IQCH: variants seen among roughly 807,000 people sequenced by gnomAD.
The protein encoded by IQCH is IQ domain-containing protein H.
IQCH carries 98 observed loss-of-function variants against 117.0 expected under a neutral mutation model. The ratio of observed to expected loss-of-function variants is 0.84; its 90% CI spans 0.71 to 0.99. IQCH has a LOEUF of 0.99. Among genes scored for constraint, IQCH ranks in the 50% least tolerant of loss-of-function variants. The pLI, the probability that IQCH is intolerant of heterozygous loss-of-function variation, is 0.00. For synonymous variants in IQCH, 412 were observed against 448.2 expected (o/e 0.92, Z 1.02); for missense variants, 1,102 against 1,243.8 (o/e 0.89, Z 1.72).
chr15:67,465,602 A>G lies in IQCH; in HGVS notation c.2676+305A>G, dbSNP rs62016053. ...CTACAAGCTGTTTCACACAAAACCCATATTTTTCTAGCCCCACTCTCTTTT... is the reference window on the plus strand; with the variant it reads ...CTACAAGCTGTTTCACACAAAACCCGTATTTTTCTAGCCCCACTCTCTTTT... On this transcript the variant is annotated intron_variant, in intron 17 of 20. Coordinates refer to ENST00000335894, the MANE Select transcript of IQCH (RefSeq NM_001031715.3). The surrounding 1 kb of genome is among the most constrained non-coding windows in gnomAD (Gnocchi z 5.9). Among the ~76,000 whole-genome samples, 1 of 152,086 alleles carries G rather than the reference A, an allele frequency of 6.6e-6. No individual in the cohort carries two copies. Among genetic ancestry groups the G allele is most frequent in the Non-Finnish European group, 1.5e-5 (1 of 68,008 alleles).
chr15:67,365,627 G>C lies in IQCH; in HGVS notation c.753+5742G>C, dbSNP rs1017651477. On this transcript the variant is annotated intron_variant, in intron 8 of 20. Transcript: ENST00000335894. The surrounding 1 kb of genome is among the most constrained non-coding windows in gnomAD (Gnocchi z 4.4). Reference sequence around the variant, plus strand: ...AAGTGCTATGAAGAAAAATAAACCAGAATACATATGTAGGTATAGAAGCCA... The same window carrying C: ...AAGTGCTATGAAGAAAAATAAACCACAATACATATGTAGGTATAGAAGCCA... 6.6e-6 allele frequency among the ~76,000 whole-genome samples: 1 copy of C among 152,080 alleles called. No individual in the cohort carries two copies. Among genetic ancestry groups the C allele is most frequent in the African/African-American group, 2.4e-5 (1 of 41,398 alleles).
chr15:67,384,978 C>T lies in IQCH; in HGVS notation c.1415C>T (p.Thr472Ile). The T allele has an allele frequency of 6.2e-7, 1 of 1,612,348 alleles. No individual in the cohort carries two copies. Among genetic ancestry groups the T allele is most frequent in the Non-Finnish European group, 8.5e-7 (1 of 1,178,598 alleles). Reference sequence around the variant, plus strand: ...AGAGAACATATTGCCGATTTCAACACACAGCAGAACATGCAGCTGGGGAGG... The same window carrying T: ...AGAGAACATATTGCCGATTTCAACATACAGCAGAACATGCAGCTGGGGAGG... ...PVREHIADFN[T>I]QQNMQLGRLC... Residue 472 changes from threonine to isoleucine, a missense_variant, in exon 11 of 21, where the codon ACA becomes ATA. This residue lies in a region of IQCH where 650 missense variants were observed against 794.3 expected (regional missense o/e 0.82). Transcript: ENST00000335894. This position sits in a 1 kb window ranked among gnomAD's most constrained non-coding sequence, Gnocchi z 4.3.
chr15:67,296,162 C>T (rs150079082), intron 4 of IQCH, among the ~76,000 whole-genome samples: 6 of 152,294 alleles, frequency 3.9e-5, no homozygotes, highest in Non-Finnish European at 8.8e-5. Flanking sequence ...CTACTAGGCT[C>T]TCAAGAAATG....
At chr15:67,410,676 T>G (rs1452442577) in intron 14 of IQCH, among the ~76,000 whole-genome samples, 3 of 152,150 alleles carry the variant, frequency 2.0e-5, no homozygotes, top group Non-Finnish European at 4.4e-5. Context: ...CTCAATCAAC[T>G]CACATAGTTA....
Position 67,494,335 on chromosome 15 carries a change from C to T in IQCH, c.2939C>T (p.Ala980Val). 6.2e-7 allele frequency: 1 copy of T among 1,613,156 alleles called. No individual in the cohort carries two copies. The highest frequency in any genetic ancestry group is 1.7e-5 in the Admixed American group (1 of 59,744). ...TTCATCATCCATCAAGAAATATCAG[C>T]ACCTAATATGCAAGGCGAGACCAAT... is the stretch of plus-strand genomic sequence containing the variant. ...HLFIIHQEIS[A>V]PNMQGETNFK... Residue 980 changes from alanine (A) to valine (V), a missense_variant, in exon 20 of 21, where the codon GCA becomes GTA. By Grantham distance (64) the Ala-to-Val change is moderately conservative. Transcript: ENST00000335894. This position sits in a 1 kb window ranked among gnomAD's most constrained non-coding sequence, Gnocchi z 5.5.
rs1970044274 is a variant in IQCH at position 67,359,536 on chromosome 15, C to A, written c.715-311C>A. Among the ~76,000 whole-genome samples, 2 of 152,216 alleles carry A rather than the reference C, an allele frequency of 1.3e-5. No individual in the cohort carries two copies. Among genetic ancestry groups the A allele is most frequent in the African/African-American group, 4.8e-5 (2 of 41,456 alleles). ...AGTACAGACCTTTGATCAGACACCA[C>A]CACAAAGCAGTGTGGTGCCACGCTA... On this transcript the variant is annotated intron_variant, in intron 7 of 20. Transcript: ENST00000335894. The surrounding 1 kb of genome is among the most constrained non-coding windows in gnomAD (Gnocchi z 4.5).
intron 3 of IQCH, among the ~76,000 whole-genome samples, chr15:67,267,752 A>C (rs563798061): frequency 6.6e-6 from 1 of 152,202 alleles, no homozygotes; most frequent in South Asian, 2.1e-4. Flanking sequence ...GTAACTGAGA[A>C]TCAACATTGT....
intron 13 of IQCH, among the ~76,000 whole-genome samples, chr15:67,399,131 C>T (rs1596309753): frequency 6.6e-6 from 1 of 152,248 alleles, no homozygotes; most frequent in Non-Finnish European, 1.5e-5. Context: ...GGATAGGCAG[C>T]ACAGTAAAGA....
chr15:67,428,384 A>T (rs982850499), intron 16 of IQCH, among the ~76,000 whole-genome samples: 7 of 152,358 alleles, frequency 4.6e-5, no homozygotes, highest in African/African-American at 1.4e-4. Flanking sequence ...GCAAGATTGA[A>T]GGTGGCAGAG....
At position 67,313,170 on chromosome 15, in the gene IQCH, A is replaced by G. The variant is rs181118383; in HGVS notation, c.388-23805A>G. 2.1e-3 allele frequency among the ~76,000 whole-genome samples: 323 copies of G among 152,250 alleles called. 1 individual carries two copies. Among genetic ancestry groups the G allele is most frequent in the Non-Finnish European group, 3.6e-3 (244 of 68,020 alleles). ...ATTAAAAGATTATATAATCTTCACA[A>G]TAGCCTGAAAAATAAATCAGTTTAT... On this transcript the variant is annotated intron_variant, in intron 4 of 20. Coordinates refer to ENST00000335894, the MANE Select transcript of IQCH (RefSeq NM_001031715.3).
In IQCH at chr15:67,405,072, G is replaced by A. The variant is rs1437740626; in HGVS notation, c.2097+4767G>A. The A allele has an allele frequency of 1.3e-5, 2 of 151,948 alleles. No individual in the cohort carries two copies. Among genetic ancestry groups the A allele is most frequent in the Non-Finnish European group, 2.9e-5 (2 of 67,974 alleles). The allele number at this position is 151,948 out of a possible 1,614,324, so 9.4% of individuals were successfully genotyped here. On this transcript the variant is annotated intron_variant, in intron 14 of 20. Coordinates refer to ENST00000335894, the MANE Select transcript of IQCH (RefSeq NM_001031715.3). The surrounding 1 kb of genome is among the most constrained non-coding windows in gnomAD (Gnocchi z 4.8). ...AGATATAAGAATCCAGCTTCTCATT[G>A]CTATTATTTGATTACTAGCAAGGGA... is the stretch of plus-strand genomic sequence containing the variant.
intron 13 of IQCH, among the ~76,000 whole-genome samples, chr15:67,396,679 T>C (rs574282282): frequency 9.8e-5 from 15 of 152,294 alleles, no homozygotes; most frequent in African/African-American, 3.6e-4. Context: ...TACCCACTTG[T>C]TGGGAAACCA....
rs1161651138 is a variant in IQCH at position 67,490,818 on chromosome 15, C to T, written c.2861+754C>T. On this transcript the variant is annotated intron_variant, in intron 19 of 20. Transcript: ENST00000335894. The surrounding 1 kb of genome is among the most constrained non-coding windows in gnomAD (Gnocchi z 4.9). ...ACCCGGGCGCAGTCTTCTCAAGGTACGCATGCACTGAGCACAGGCTGCTGG... is the reference window on the plus strand; with the variant it reads ...ACCCGGGCGCAGTCTTCTCAAGGTATGCATGCACTGAGCACAGGCTGCTGG... Among the ~76,000 whole-genome samples the T allele has an allele frequency of 2.6e-5, 4 of 152,204 alleles. No homozygotes were observed. The highest frequency in any genetic ancestry group is 4.8e-5 in the African/African-American group (2 of 41,454).
intron 4 of IQCH, among the ~76,000 whole-genome samples, chr15:67,318,552 C>T (rs527781320): frequency 6.6e-6 from 1 of 152,238 alleles, no homozygotes. Flanking sequence ...TTTCAACTTG[C>T]TAGTATTCAT....
chr15:67,368,298 G>A (rs976851219), intron 8 of IQCH, among the ~76,000 whole-genome samples: 1 of 152,130 alleles, frequency 6.6e-6, no homozygotes, highest in African/African-American at 2.4e-5. Context: ...GCTGAATTCC[G>A]GACCGCTGAT....
chr15:67,431,494 G>A lies in IQCH; in HGVS notation c.2505+9917G>A, dbSNP rs368312081. Among the ~76,000 whole-genome samples, 91 of 152,178 alleles carry A rather than the reference G, an allele frequency of 6.0e-4. No homozygotes were observed. The highest frequency in any genetic ancestry group is 2.1e-3 in the African/African-American group (89 of 41,510). On this transcript the variant is annotated intron_variant, in intron 16 of 20. Transcript: ENST00000335894. The surrounding 1 kb of genome is among the most constrained non-coding windows in gnomAD (Gnocchi z 4.8). ...CACTGAGGCCTATCAAAGGGTGGAG[G>A]GTGGGAGGAGGGAGAGAATCAGGAA...
rs534588208 is a variant in IQCH, at chr15:67,388,464, C to T, written c.1457-367C>T. Among the ~76,000 whole-genome samples the T allele has an allele frequency of 3.9e-5, 6 of 152,252 alleles. No homozygotes were observed. The highest frequency in any genetic ancestry group is 1.4e-4 in the African/African-American group (6 of 41,546). Reference sequence around the variant, plus strand: ...GTTAGTAGCTCTGTTTTATAATTTACTGAAGTTAATGGAATAAATTTTTAA... The same window carrying T: ...GTTAGTAGCTCTGTTTTATAATTTATTGAAGTTAATGGAATAAATTTTTAA... On this transcript the variant is annotated intron_variant, in intron 11 of 20. Coordinates refer to ENST00000335894, the MANE Select transcript of IQCH (RefSeq NM_001031715.3). The surrounding 1 kb of genome is among the most constrained non-coding windows in gnomAD (Gnocchi z 5.5).
chr15:67,490,110 GAC>G lies in IQCH; in HGVS notation c.2861+48_2861+49del. 1.1e-6 allele frequency: 1 copy of G among 937,192 alleles called. No individual in the cohort carries two copies. Among genetic ancestry groups the G allele is most frequent in the African/African-American group, 1.7e-5 (1 of 60,118 alleles). 58.1% of individuals were successfully genotyped at this position (937,192 alleles called of 1,614,324 possible). A position where few individuals can be genotyped will look rare whatever the true frequency, so the allele number is the denominator to read the frequency against. On this transcript the variant is annotated intron_variant, in intron 19 of 20. Coordinates refer to ENST00000335894, the MANE Select transcript of IQCH (RefSeq NM_001031715.3). The surrounding 1 kb of genome is among the most constrained non-coding windows in gnomAD (Gnocchi z 4.9). Reference sequence around the variant, plus strand: ...TGAGTTGCAATAAGCTAAGGAAATAGACAATCACAACTAACAAGAATGATGCT... The same window carrying G: ...TGAGTTGCAATAAGCTAAGGAAATAGAATCACAACTAACAAGAATGATGCT...
In IQCH at chr15:67,263,220, A is replaced by G. The variant is rs1352378732; in HGVS notation, c.269+4A>G. On this transcript the variant is annotated splice_donor_region_variant and intron_variant, in intron 3 of 20. Coordinates refer to ENST00000335894, the MANE Select transcript of IQCH (RefSeq NM_001031715.3). Reference sequence around the variant, plus strand: ...ATACTCCCCAGGCTTCCAAATGGTAAGTAAAATAGCCATTTAGAGCCCAAA... The same window carrying G: ...ATACTCCCCAGGCTTCCAAATGGTAGGTAAAATAGCCATTTAGAGCCCAAA... 1.4e-6 allele frequency: 2 copies of G among 1,424,324 alleles called. No homozygotes were observed. The highest frequency in any genetic ancestry group is 1.4e-5 in the African/African-American group (1 of 71,062). The allele number at this position is 1,424,324 out of a possible 1,614,324, so 88.2% of individuals were successfully genotyped here.
Sources: allele counts gnomAD v4.1 joint callset (sites outside exome capture counted in the v4.1 genomes callset), GRCh38; gene constraint gnomAD v4.1.1; regional missense constraint gnomAD v4.1.1; non-coding constraint Gnocchi (gnomAD v3.1); transcripts MANE v1.5; gene names NCBI Gene and HGNC (gene_info 2026-07-23, HGNC 2026-07-21).